ABTB3: variants seen among roughly 807,000 people sequenced by gnomAD.
ABTB3 encodes ankyrin repeat and BTB domain containing 3.
At chr12:107,627,075 A>T in the ABTB3 span, among the ~76,000 whole-genome samples, 2 of 152,238 alleles carry the variant, frequency 1.3e-5, no homozygotes, top group African/African-American at 4.8e-5. Context: ...CAGTCAAACC[A>T]TCTAAGAGAG....
the ABTB3 span, among the ~76,000 whole-genome samples, chr12:107,384,993 G>T: frequency 6.6e-6 from 1 of 152,216 alleles, no homozygotes. Flanking sequence ...TCGCATATCT[G>T]TTGATTGCTT....
the ABTB3 span, among the ~76,000 whole-genome samples, chr12:107,653,688 A>G: frequency 3.9e-5 from 6 of 152,290 alleles, no homozygotes; most frequent in Non-Finnish European, 7.4e-5. Context: ...TGAATGCTAC[A>G]CTAGTCCCAT....
At chr12:107,454,187 C>T in the ABTB3 span, among the ~76,000 whole-genome samples, 10 of 152,238 alleles carry the variant, frequency 6.6e-5, no homozygotes, top group Non-Finnish European at 1.3e-4. Context: ...CAGCATTAGT[C>T]CCTGCTAATG....
At chr12:107,375,019 G>C in the ABTB3 span, among the ~76,000 whole-genome samples, 1 of 152,114 alleles carries the variant, frequency 6.6e-6, no homozygotes, top group African/African-American at 2.4e-5. Flanking sequence ...GCTTCCTCTG[G>C]TCATGCAACA....
chr12:107,627,770 C>T, the ABTB3 span, among the ~76,000 whole-genome samples: 2 of 152,146 alleles, frequency 1.3e-5, no homozygotes, highest in African/African-American at 4.8e-5. Flanking sequence ...TCATCTGAAT[C>T]CTGCTATCAG....
the ABTB3 span, chr12:107,580,889 A>G: frequency 5.2e-6 from 8 of 1,551,010 alleles, no homozygotes; most frequent in Non-Finnish European, 6.1e-6. Context: ...TCCTAGTCAC[A>G]TTATCCCCAG....
chr12:107,369,433 T>G, the ABTB3 span, among the ~76,000 whole-genome samples: 1 of 150,382 alleles, frequency 6.6e-6, no homozygotes. Context: ...AGTCTCGCTC[T>G]TGTCACCCCG....
chr12:107,370,227 G>A, the ABTB3 span, among the ~76,000 whole-genome samples: 1 of 152,184 alleles, frequency 6.6e-6, no homozygotes, highest in Non-Finnish European at 1.5e-5. Context: ...GTTCTCGCCT[G>A]CTAATGGATG....
chr12:107,634,288 T>G, the ABTB3 span, among the ~76,000 whole-genome samples: 1 of 152,246 alleles, frequency 6.6e-6, no homozygotes, highest in Non-Finnish European at 1.5e-5. Context: ...TTATTGTTTT[T>G]ATCACAAAAG....
At chr12:107,605,054 A>T in the ABTB3 span, among the ~76,000 whole-genome samples, 1 of 152,030 alleles carries the variant, frequency 6.6e-6, no homozygotes, top group Non-Finnish European at 1.5e-5. Context: ...TAAATAAATA[A>T]GTATGTGAGG....
At chr12:107,469,984 CTTTCTTTCTTTCTTTCTTTCTTTCTT>C in the ABTB3 span, among the ~76,000 whole-genome samples, 37 of 90,602 alleles carry the variant, frequency 4.1e-4, 2 homozygotes, top group African/African-American at 2.2e-3. Context: ...TTCTTTCTTT[CTTTCTTTCTTTCTTTCTTTCTTTCTT>C]TCTCTCTCTC....
At chr12:107,536,986 C>G in the ABTB3 span, among the ~76,000 whole-genome samples, 1 of 152,042 alleles carries the variant, frequency 6.6e-6, no homozygotes, top group African/African-American at 2.4e-5. Flanking sequence ...ATGATGAATT[C>G]ATCAACAGAT....
At chr12:107,338,961 G>A in the ABTB3 span, among the ~76,000 whole-genome samples, 1 of 152,130 alleles carries the variant, frequency 6.6e-6, no homozygotes, top group African/African-American at 2.4e-5. Context: ...AGGGTAGCTG[G>A]GACTACGGGG....
chr12:107,435,807 C>T, the ABTB3 span, among the ~76,000 whole-genome samples: 6 of 152,266 alleles, frequency 3.9e-5, no homozygotes, highest in South Asian at 1.2e-3. Context: ...AATTACAGGA[C>T]CAGAGGGCCT....
chr12:107,622,340 G>T, the ABTB3 span, among the ~76,000 whole-genome samples: 1 of 152,094 alleles, frequency 6.6e-6, no homozygotes, highest in Non-Finnish European at 1.5e-5. Context: ...AAAACTGGAG[G>T]GAGATGATGA....
At chr12:107,421,251 A>T in the ABTB3 span, among the ~76,000 whole-genome samples, 1 of 152,162 alleles carries the variant, frequency 6.6e-6, no homozygotes, top group Non-Finnish European at 1.5e-5. Flanking sequence ...TTTTAGAGCG[A>T]GTTGCCACTT....
At chr12:107,430,825 A>T in the ABTB3 span, among the ~76,000 whole-genome samples, 6 of 152,238 alleles carry the variant, frequency 3.9e-5, no homozygotes, top group African/African-American at 1.4e-4. Context: ...TCATATTCAA[A>T]GATAATTGCT....
the ABTB3 span, among the ~76,000 whole-genome samples, chr12:107,343,913 A>G: frequency 2.0e-5 from 3 of 152,146 alleles, no homozygotes; most frequent in African/African-American, 7.2e-5. Context: ...CCATGATCCA[A>G]TCACCTCCCA....
chr12:107,629,918 A>T, the ABTB3 span, among the ~76,000 whole-genome samples: 1 of 151,390 alleles, frequency 6.6e-6, no homozygotes, highest in African/African-American at 2.4e-5. Flanking sequence ...TATGGATCTC[A>T]CCCCCTGACA....
Sources: gnomAD v4.1 joint callset for allele counts (sites outside exome capture counted in the v4.1 genomes callset) on GRCh38, gnomAD v4.1.1 for gene constraint, MANE v1.5 for transcripts, NCBI Gene and HGNC (gene_info 2026-07-23, HGNC 2026-07-21) for gene names.